Variants in CSMD3 observed in about 807,000 individuals in gnomAD.
CSMD3 encodes CUB and Sushi multiple domains 3.
In CSMD3, 177 loss-of-function variants were observed where a neutral mutation model predicts 435.2. The observed-to-expected ratio is 0.41, with a 90% CI of 0.36 to 0.46. The LOEUF is 0.46. Ranked by LOEUF, CSMD3 falls within the 20% of genes least tolerant of loss-of-function variation. The pLI is 0.34. For missense variants in CSMD3, 4,265 were observed against 4,504.6 expected, an observed-to-expected ratio of 0.95 and a Z score of 1.52; for synonymous variants, 1,656 against 1,520.5, an observed-to-expected ratio of 1.09 and a Z score of -2.07.
intron 3 of CSMD3, among the ~76,000 whole-genome samples, chr8:113,193,408 A>T (rs2092612494): frequency 6.6e-6 from 1 of 151,288 alleles, no homozygotes; most frequent in Non-Finnish European, 1.5e-5. Flanking sequence ...TAATGCCACC[A>T]ATTCATTAGA....
chr8:112,617,895 A>G (rs962670408), intron 22 of CSMD3, among the ~76,000 whole-genome samples: 2 of 152,140 alleles, frequency 1.3e-5, no homozygotes, highest in African/African-American at 4.8e-5. Flanking sequence ...AGAAAACCTT[A>G]ACATTTTCTT....
At chr8:112,827,038 T>C (rs2079702924) in intron 12 of CSMD3, among the ~76,000 whole-genome samples, 1 of 151,188 alleles carries the variant, frequency 6.6e-6, no homozygotes, top group South Asian at 2.1e-4. Context: ...TTTTTTAACA[T>C]TAGGGATTGT....
chr8:113,256,793 G>C (rs1270481740), intron 3 of CSMD3, among the ~76,000 whole-genome samples: 3 of 152,128 alleles, frequency 2.0e-5, no homozygotes, highest in East Asian at 1.9e-4. Context: ...AACAGACATT[G>C]CAAGTTTTAA....
intron 12 of CSMD3, among the ~76,000 whole-genome samples, chr8:112,815,499 CA>C: frequency 6.6e-6 from 1 of 152,102 alleles, no homozygotes; most frequent in East Asian, 1.9e-4. Flanking sequence ...AGACTCCAAT[CA>C]GGTCTTGCTT....
intron 3 of CSMD3, among the ~76,000 whole-genome samples, chr8:113,220,133 G>A (rs79564895): frequency 0.029 from 4,467 of 151,528 alleles, 86 homozygotes; most frequent in Admixed American, 0.04. Context: ...TAGTGAGGTT[G>A]TAGGAAACAG....
At chr8:112,517,954 G>GCC (rs1191458159) in intron 27 of CSMD3, among the ~76,000 whole-genome samples, 1 of 152,080 alleles carries the variant, frequency 6.6e-6, no homozygotes, top group Non-Finnish European at 1.5e-5. Context: ...TCACATGAAA[G>GCC]CCTGCACACA....
At position 112,337,633 on chromosome 8, in the gene CSMD3, A is replaced by G. The variant is rs1188616488; in HGVS notation, c.6751T>C (p.Phe2251Leu). ...TTTCCAATTAATGTGTATCCTGGGAAACATTCAAATGAAATGGTTTGACCC... is the reference window on the plus strand; with the variant it reads ...TTTCCAATTAATGTGTATCCTGGGAGACATTCAAATGAAATGGTTTGACCC... Reference protein sequence around the residue: ...TVGQTISFECFPGYTLIGNSA... With the variant: ...TVGQTISFECLPGYTLIGNSA... Residue 2251 changes from phenylalanine (F) to leucine (L), a missense_variant, in exon 43 of 71, where the codon TTC (phenylalanine) becomes CTC (leucine). Phe to Leu is a conservative substitution (Grantham distance 22). This residue lies in a region of CSMD3 where 3,255 missense variants were observed against 3,380.2 expected (regional missense o/e 0.96). Coordinates refer to ENST00000297405, the MANE Select transcript of CSMD3 (RefSeq NM_198123.2). 2 of 1,613,276 alleles carry G rather than the reference A, an allele frequency of 1.2e-6. No individual in the cohort carries two copies. Among genetic ancestry groups the G allele is most frequent in the South Asian group, 2.2e-5 (2 of 91,076 alleles).
chr8:113,037,676 T>C (rs1467977414), intron 5 of CSMD3, among the ~76,000 whole-genome samples: 1 of 152,144 alleles, frequency 6.6e-6, no homozygotes, highest in South Asian at 2.1e-4. Flanking sequence ...TTGCTGTTTT[T>C]AATTTTCACT....
intron 4 of CSMD3, among the ~76,000 whole-genome samples, chr8:113,099,869 T>C (rs776083854): frequency 6.6e-6 from 1 of 152,092 alleles, no homozygotes; most frequent in Non-Finnish European, 1.5e-5. Flanking sequence ...AGTTACAAGT[T>C]CACTTGTGAA....
intron 49 of CSMD3, among the ~76,000 whole-genome samples, chr8:112,312,743 A>C (rs1417463870): frequency 6.6e-6 from 1 of 152,208 alleles, no homozygotes; most frequent in African/African-American, 2.4e-5. Flanking sequence ...TTTTAAAATC[A>C]AGGGAATTAA....
intron 58 of CSMD3, 77 bp from the exon 59 acceptor site, chr8:112,281,427 G>T: frequency 8.8e-7 from 1 of 1,140,118 alleles, no homozygotes; most frequent in Non-Finnish European, 1.3e-6. Flanking sequence ...ATGACTAAAC[G>T]ATTCTTTCAA....
chr8:113,175,977 G>A (rs913628555), intron 3 of CSMD3, among the ~76,000 whole-genome samples: 13 of 152,124 alleles, frequency 8.5e-5, no homozygotes, highest in Middle Eastern at 3.4e-3. Flanking sequence ...AATTAACTTT[G>A]ATTTAAATGA....
intron 4 of CSMD3, among the ~76,000 whole-genome samples, chr8:113,148,600 G>T (rs1320536284): frequency 6.6e-6 from 1 of 151,680 alleles, no homozygotes; most frequent in Non-Finnish European, 1.5e-5. Context: ...GTGGCTTAAA[G>T]AATGAGCAAT....
chr8:112,700,870 G>A (rs1333182737), intron 13 of CSMD3, among the ~76,000 whole-genome samples: 1 of 152,158 alleles, frequency 6.6e-6, no homozygotes, highest in African/African-American at 2.4e-5. Context: ...AGGAGCAAGA[G>A]AAGAGATGGG....
rs576662519 is a variant in CSMD3 at position 113,003,799 on chromosome 8, C to A, written c.1030+15268G>T. ...TAGAAACCAGCATTGCTACTATCTT[C>A]AACTTAAATCGCACAAGAGATTATC... On this transcript the variant is annotated intron_variant, in intron 6 of 70. Coordinates refer to ENST00000297405, the MANE Select transcript of CSMD3 (RefSeq NM_198123.2). Among the ~76,000 whole-genome samples the A allele has an allele frequency of 1.2e-4, 18 of 152,106 alleles. 1 individual carries two copies. The highest frequency in any genetic ancestry group is 2.2e-4 in the Non-Finnish European group (15 of 67,956).
At chr8:112,347,780 G>A (rs1465390708) in intron 40 of CSMD3, among the ~76,000 whole-genome samples, 1 of 152,130 alleles carries the variant, frequency 6.6e-6, no homozygotes, top group African/African-American at 2.4e-5. Context: ...GATAATTAAT[G>A]AGTTGTAAAA....
chr8:113,206,580 TCAATC>T (rs535864080), intron 3 of CSMD3, among the ~76,000 whole-genome samples: 1 of 152,124 alleles, frequency 6.6e-6, no homozygotes, highest in Non-Finnish European at 1.5e-5. Context: ...CCGAAACCCC[TCAATC>T]CATGTTAATT....
intron 12 of CSMD3, among the ~76,000 whole-genome samples, chr8:112,815,583 C>T (rs986764324): frequency 3.3e-5 from 5 of 152,070 alleles, no homozygotes; most frequent in Non-Finnish European, 5.9e-5. Context: ...CTAATTTCTT[C>T]TTCTACAGCC....
At chr8:113,251,512 TA>T (rs1404554063) in intron 3 of CSMD3, among the ~76,000 whole-genome samples, 1 of 149,142 alleles carries the variant, frequency 6.7e-6, no homozygotes, top group African/African-American at 2.5e-5. Flanking sequence ...TATTAAGACA[TA>T]AAAAATGTCT....
Sources: allele counts gnomAD v4.1 joint callset (sites outside exome capture counted in the v4.1 genomes callset), GRCh38; gene constraint gnomAD v4.1.1; regional missense constraint gnomAD v4.1.1; transcripts MANE v1.5; gene names NCBI Gene and HGNC (gene_info 2026-07-23, HGNC 2026-07-21).